Variants in USH2A observed in about 807,000 individuals in gnomAD.
USH2A encodes Usher syndrome 2A (autosomal recessive, mild).
USH2A carries 443 observed loss-of-function variants against 538.9 expected under a neutral mutation model. The ratio of observed to expected loss-of-function variants is 0.82; its 90% CI spans 0.76 to 0.89. The LOEUF is 0.89. Ranked by LOEUF, USH2A falls within the 40% of genes least tolerant of loss-of-function variation. The probability of loss-of-function intolerance (pLI) is 0.00; values close to 1 mark genes in which losing one functional copy is unlikely to be tolerated. For synonymous variants in USH2A, 2,413 were observed against 2,273.5 expected (o/e 1.06, Z -1.75); for missense variants, 6,633 against 6,324.8 (o/e 1.05, Z -1.65).
intron 9 of USH2A, among the ~76,000 whole-genome samples, chr1:216,298,806 C>T (rs1244593401): frequency 6.6e-6 from 1 of 151,738 alleles, no homozygotes; most frequent in African/African-American, 2.4e-5. Context: ...ATACATTCCA[C>T]AGGACCCAGA....
rs1376540271 is a variant in USH2A, at chr1:215,648,531, T to C, written c.14579A>G (p.His4860Arg). Reference protein sequence around the residue: ...SPPMFPNGVIHSYELQFHVAC... With the variant: ...SPPMFPNGVIRSYELQFHVAC... ...ATCCTTCTGCCTGACCCATTACCTG[T>C]GAATGACACCATTGGGGAACATGGG... The change falls in exon 66 of 72, where the codon CAC (histidine) becomes CGC (arginine). Residue 4860 changes from histidine (H) to arginine (R), a missense_variant. Transcript: ENST00000307340. The C allele has an allele frequency of 6.2e-7, 1 of 1,614,092 alleles. No individual in the cohort carries two copies.
intron 21 of USH2A, among the ~76,000 whole-genome samples, chr1:216,113,292 G>C (rs577281292): frequency 6.6e-6 from 1 of 152,162 alleles, no homozygotes; most frequent in East Asian, 1.9e-4. Flanking sequence ...TCTAAAATCT[G>C]TGGTAGCATG....
At chr1:215,847,818 C>A (rs908253329) in intron 44 of USH2A, among the ~76,000 whole-genome samples, 1 of 151,900 alleles carries the variant, frequency 6.6e-6, no homozygotes, top group Non-Finnish European at 1.5e-5. Flanking sequence ...TTAAAGGACC[C>A]CTTTACATTA....
At chr1:215,766,442 A>T (rs1009776103) in intron 56 of USH2A, among the ~76,000 whole-genome samples, 4 of 152,178 alleles carry the variant, frequency 2.6e-5, no homozygotes, top group African/African-American at 9.7e-5. Flanking sequence ...AAATTTCAAT[A>T]ATTCTTCTTT....
intron 64 of USH2A, among the ~76,000 whole-genome samples, chr1:215,654,152 G>C (rs1381328266): frequency 1.3e-5 from 2 of 152,072 alleles, no homozygotes; most frequent in Non-Finnish European, 2.9e-5. Context: ...TTCCTACAGT[G>C]TTTAGACTGA....
intron 21 of USH2A, among the ~76,000 whole-genome samples, chr1:216,124,498 A>C (rs1236647673): frequency 6.6e-6 from 1 of 152,166 alleles, no homozygotes; most frequent in Non-Finnish European, 1.5e-5. Context: ...AGGCGGAGGG[A>C]AACCCCTCCA....
At chr1:216,400,437 C>G (rs1034090168) in intron 3 of USH2A, among the ~76,000 whole-genome samples, 15 of 148,346 alleles carry the variant, frequency 1.0e-4, no homozygotes, top group Admixed American at 2.7e-4. Flanking sequence ...CTTCAAGAAC[C>G]AGTGAGTTAA....
At chr1:216,245,480 AG>A (rs1327094410) in intron 13 of USH2A, among the ~76,000 whole-genome samples, 4 of 121,708 alleles carry the variant, frequency 3.3e-5, no homozygotes, top group African/African-American at 1.2e-4. Flanking sequence ...TGAGAGAGAG[AG>A]AGAGAGAGAG....
At chr1:215,886,584 A>G (rs1251270632) in intron 41 of USH2A, 1 of 152,158 alleles carries the variant, frequency 6.6e-6, no homozygotes, top group Non-Finnish European at 1.5e-5. Flanking sequence ...TATTTCAGAC[A>G]CCTTCTTAGA....
chr1:216,200,290 T>A (rs2034956365), intron 16 of USH2A, among the ~76,000 whole-genome samples, 169 bp from the exon 17 acceptor site: 1 of 152,204 alleles, frequency 6.6e-6, no homozygotes. Flanking sequence ...TAAATACCGG[T>A]TGATTGCTTT....
intron 12 of USH2A, among the ~76,000 whole-genome samples, chr1:216,248,555 T>A (rs1408101019): frequency 6.6e-6 from 1 of 151,964 alleles, no homozygotes; most frequent in African/African-American, 2.4e-5. Flanking sequence ...TGTATATATA[T>A]GGATAAAAAT....
intron 35 of USH2A, among the ~76,000 whole-genome samples, chr1:215,990,708 A>G (rs1667982819): frequency 6.8e-6 from 1 of 147,842 alleles, no homozygotes; most frequent in African/African-American, 2.5e-5. Flanking sequence ...AATGAGTTGT[A>G]TTTCTACAGG....
intron 16 of USH2A, among the ~76,000 whole-genome samples, chr1:216,206,377 G>A (rs1057248207): frequency 1.3e-5 from 2 of 152,118 alleles, no homozygotes; most frequent in African/African-American, 4.8e-5. Flanking sequence ...GAGGAGGGAT[G>A]GTTTTGGCAT....
intron 64 of USH2A, among the ~76,000 whole-genome samples, chr1:215,660,940 C>T (rs180873798): frequency 1.3e-5 from 2 of 152,274 alleles, no homozygotes; most frequent in African/African-American, 4.8e-5. Flanking sequence ...TTTGTTTCCA[C>T]CTGCAGATTA....
intron 30 of USH2A, among the ~76,000 whole-genome samples, chr1:216,063,138 C>T (rs1032563539): frequency 6.6e-6 from 1 of 152,086 alleles, no homozygotes; most frequent in Non-Finnish European, 1.5e-5. Flanking sequence ...TGCTCAATAG[C>T]AAAACTGTTT....
chr1:216,410,206 T>C (rs2102771848), intron 3 of USH2A, among the ~76,000 whole-genome samples: 1 of 152,134 alleles, frequency 6.6e-6, no homozygotes, highest in South Asian at 2.1e-4. Flanking sequence ...ACAACAGTGC[T>C]AGTGAGGTTG....
chr1:215,953,996 A>T (rs372636098), intron 37 of USH2A, among the ~76,000 whole-genome samples: 2 of 152,210 alleles, frequency 1.3e-5, no homozygotes. Flanking sequence ...GAGAAATGCA[A>T]ATCAAAACCA....
intron 11 of USH2A, among the ~76,000 whole-genome samples, chr1:216,271,657 C>A (rs938270240): frequency 6.6e-6 from 1 of 151,974 alleles, no homozygotes; most frequent in Admixed American, 6.6e-5. Context: ...AGGGTTTTTG[C>A]AGATGCCCTT....
chr1:216,301,428 A>G (rs1432109074), intron 9 of USH2A, among the ~76,000 whole-genome samples: 1 of 152,174 alleles, frequency 6.6e-6, no homozygotes, highest in Non-Finnish European at 1.5e-5. Flanking sequence ...TAGGTACTCA[A>G]TTTATATATC....
Sources: gnomAD v4.1 joint callset for allele counts (sites outside exome capture counted in the v4.1 genomes callset) on GRCh38, gnomAD v4.1.1 for gene constraint, MANE v1.5 for transcripts, NCBI Gene and HGNC (gene_info 2026-07-23, HGNC 2026-07-21) for gene names.